The following KLRF1 variants were observed in gnomAD, a reference collection of about 807,000 sequenced individuals.
KLRF1 encodes the protein killer cell lectin-like receptor subfamily F member 1.
Under a neutral mutation model 30.7 loss-of-function variants are expected in KLRF1, and 27 were observed. The observed-to-expected ratio is 0.88, with a 90% CI of 0.65 to 1.21. The LOEUF (loss-of-function observed/expected upper bound fraction) is 1.21. KLRF1 is among the 50% of genes most tolerant of loss of function. The pLI, the probability that KLRF1 is intolerant of heterozygous loss-of-function variation, is 0.00. For synonymous variants in KLRF1, 92 were observed against 89.3 expected, an observed-to-expected ratio of 1.03 and a Z score of -0.17; for missense variants, 246 against 259.3, an observed-to-expected ratio of 0.95 and a Z score of 0.35.
chr12:9,833,456 T>C lies in KLRF1; in HGVS notation c.334+4T>C. 2 of 1,596,378 alleles carry C rather than the reference T, an allele frequency of 1.3e-6. No individual in the cohort carries two copies. The highest frequency in any genetic ancestry group is 1.7e-6 in the Non-Finnish European group (2 of 1,173,276). On this transcript the variant is annotated splice_donor_region_variant and intron_variant, in intron 3 of 5. Coordinates refer to ENST00000617889, the MANE Select transcript of KLRF1 (RefSeq NM_016523.3). ...TCGAGATCTGCAGACCAGACAGGTA[T>C]GTCTCAAGGCTTTGGCTTATCCTAG... is the stretch of plus-strand genomic sequence containing the variant.
At chr12:9,844,108 G>T (rs1867761167) in intron 5 of KLRF1, among the ~76,000 whole-genome samples, 1 of 152,036 alleles carries the variant, frequency 6.6e-6, no homozygotes, top group South Asian at 2.1e-4. Flanking sequence ...GTTAAGTGAG[G>T]TGTCCACATG....
chr12:9,810,939 C>T, the KLRF1 span, among the ~76,000 whole-genome samples: 1 of 152,096 alleles, frequency 6.6e-6, no homozygotes, highest in Non-Finnish European at 1.5e-5. Context: ...GAGGTGAACA[C>T]TTTCAGTATG....
At chr12:9,840,349 G>A (rs1055600250) in intron 3 of KLRF1, among the ~76,000 whole-genome samples, 1 of 151,986 alleles carries the variant, frequency 6.6e-6, no homozygotes, top group African/African-American at 2.4e-5. Context: ...TTTATGTTAC[G>A]TGAAGAAAAA....
In KLRF1 at chr12:9,832,401, C is replaced by T. The variant is rs1219835256; in HGVS notation, c.171C>T (p.Ser57=). ...VNGILTLTLI[S]LILLVSQGVL... is the part of the protein sequence containing the mutation. ...GTATTCTCACTTTGACTTTGATCTC[C>T]TTGATCCTGTTGGGTAAGTTTAGAA... The change falls in exon 2 of 6, where the codon TCC becomes TCT. Residue 57 remains serine, a synonymous_variant. Coordinates refer to ENST00000617889, the MANE Select transcript of KLRF1 (RefSeq NM_016523.3). 7 of 1,592,330 alleles carry T rather than the reference C, an allele frequency of 4.4e-6. No individual in the cohort carries two copies. Among genetic ancestry groups the T allele is most frequent in the Middle Eastern group, 1.7e-4 (1 of 6,012 alleles).
chr12:9,810,142 T>A, the KLRF1 span, among the ~76,000 whole-genome samples: 1 of 152,182 alleles, frequency 6.6e-6, no homozygotes, highest in Admixed American at 6.5e-5. Flanking sequence ...TTGTAGGTCA[T>A]CCTGGATATA....
intron 1 of KLRF1, among the ~76,000 whole-genome samples, chr12:9,829,208 A>C (rs1032268734): frequency 6.6e-6 from 1 of 152,216 alleles, no homozygotes; most frequent in Non-Finnish European, 1.5e-5. Context: ...CACTATAGAA[A>C]TAATATTATA....
the KLRF1 span, among the ~76,000 whole-genome samples, chr12:9,821,410 A>G: frequency 1.3e-5 from 2 of 151,980 alleles, no homozygotes; most frequent in African/African-American, 2.4e-5. Context: ...CCATACCCCC[A>G]TCAAGCAACA....
At chr12:9,824,481 G>T (rs1297035154), upstream of KLRF1, among the ~76,000 whole-genome samples, 1 of 152,062 alleles carries the variant, frequency 6.6e-6, no homozygotes, top group Admixed American at 6.6e-5. Context: ...AATAATAAGA[G>T]CCAGCTGTAA....
At chr12:9,819,897 C>T in the KLRF1 span, among the ~76,000 whole-genome samples, 2 of 152,342 alleles carry the variant, frequency 1.3e-5, no homozygotes, top group East Asian at 1.9e-4. Flanking sequence ...GTTGACAACA[C>T]GTCTGTACCT....
upstream of KLRF1, among the ~76,000 whole-genome samples, chr12:9,823,300 A>G (rs952911438): frequency 6.6e-6 from 1 of 152,096 alleles, no homozygotes; most frequent in Non-Finnish European, 1.5e-5. Flanking sequence ...TTGGACCACA[A>G]CGCAATAAAA....
At chr12:9,810,419 T>C in the KLRF1 span, among the ~76,000 whole-genome samples, 1 of 151,578 alleles carries the variant, frequency 6.6e-6, no homozygotes, top group African/African-American at 2.4e-5. Flanking sequence ...CTCTCCAAGA[T>C]AGGTCTGATT....
chr12:9,839,376 G>T (rs1472561216), intron 3 of KLRF1, among the ~76,000 whole-genome samples: 1 of 151,942 alleles, frequency 6.6e-6, no homozygotes, highest in Admixed American at 6.6e-5. Flanking sequence ...GTATTTTGGG[G>T]TATGCAAACA....
At chr12:9,815,951 T>G in the KLRF1 span, among the ~76,000 whole-genome samples, 1 of 152,156 alleles carries the variant, frequency 6.6e-6, no homozygotes, top group Non-Finnish European at 1.5e-5. Context: ...CCTGAATAGC[T>G]GGGATTACAG....
At chr12:9,835,200 A>G (rs1040677744) in intron 3 of KLRF1, among the ~76,000 whole-genome samples, 8 of 152,120 alleles carry the variant, frequency 5.3e-5, no homozygotes, top group African/African-American at 1.7e-4. Flanking sequence ...GTGTGCATGT[A>G]CCTGTCCAAT....
intron 1 of KLRF1, among the ~76,000 whole-genome samples, chr12:9,832,037 T>C (rs908466229): frequency 6.6e-6 from 1 of 152,202 alleles, no homozygotes; most frequent in African/African-American, 2.4e-5. Context: ...AATTATTCAG[T>C]GCATAGAGTA....
the KLRF1 span, among the ~76,000 whole-genome samples, chr12:9,809,943 G>A: frequency 6.6e-6 from 1 of 151,934 alleles, no homozygotes; most frequent in East Asian, 1.9e-4. Flanking sequence ...TTTACCTGAA[G>A]TATACAAAAG....
intron 1 of KLRF1, among the ~76,000 whole-genome samples, chr12:9,830,706 C>G (rs868841206): frequency 1.3e-5 from 2 of 151,672 alleles, no homozygotes; most frequent in Non-Finnish European, 2.9e-5. Context: ...ATTGAATAAT[C>G]TTTATATTCC....
At chr12:9,814,953 T>C in the KLRF1 span, among the ~76,000 whole-genome samples, 1 of 152,220 alleles carries the variant, frequency 6.6e-6, no homozygotes, top group African/African-American at 2.4e-5. Flanking sequence ...TTAACGACGA[T>C]GTATTTTATA....
chr12:9,815,977 C>T, the KLRF1 span, among the ~76,000 whole-genome samples: 3 of 152,176 alleles, frequency 2.0e-5, no homozygotes, highest in African/African-American at 7.2e-5. Flanking sequence ...CGCCACCACG[C>T]CTAGCTGATT....
Sources: allele counts gnomAD v4.1 joint callset (sites outside exome capture counted in the v4.1 genomes callset), GRCh38; gene constraint gnomAD v4.1.1; transcripts MANE v1.5; gene names NCBI Gene and HGNC (gene_info 2026-07-23, HGNC 2026-07-21).